Variants in DOCK2 observed in about 807,000 individuals in gnomAD.
The protein encoded by DOCK2 is dedicator of cytokinesis 2.
A neutral mutation model predicts 248.9 loss-of-function variants in DOCK2; 87 were observed. The observed-to-expected ratio is 0.35, with a 90% CI of 0.29 to 0.42. The LOEUF is 0.42. DOCK2 is among the 10% of genes least tolerant of loss of function. DOCK2 has a pLI of 1.00. For synonymous variants in DOCK2, 805 were observed against 821.6 expected, an observed-to-expected ratio of 0.98 and a Z score of 0.35; for missense variants, 1,747 against 2,300.2, an observed-to-expected ratio of 0.76 and a Z score of 4.92.
chr5:170,056,607 T>C, intron 42 of DOCK2, 77 bp from the exon 43 acceptor site: 1 of 1,249,946 alleles, frequency 8.0e-7, no homozygotes, highest in Admixed American at 1.7e-5. Context: ...TGAACCTCCC[T>C]GGACAGTGCA....
chr5:169,948,681 A>T (rs1259505717), intron 27 of DOCK2, among the ~76,000 whole-genome samples: 1 of 143,844 alleles, frequency 7.0e-6, no homozygotes, highest in Non-Finnish European at 1.5e-5. Context: ...TGGTGTGATT[A>T]TGGCTCACTG....
intron 25 of DOCK2, among the ~76,000 whole-genome samples, chr5:169,783,065 C>G (rs1392520918): frequency 6.6e-6 from 1 of 152,102 alleles, no homozygotes; most frequent in African/African-American, 2.4e-5. Context: ...TATTATAATG[C>G]AGAATGAATA....
At chr5:169,732,068 G>A (rs1407808931) in intron 22 of DOCK2, among the ~76,000 whole-genome samples, 23 of 152,144 alleles carry the variant, frequency 1.5e-4, no homozygotes, top group African/African-American at 4.6e-4. Context: ...GCAGTGAGCC[G>A]AGATTGCACC....
At chr5:169,992,375 C>A (rs1778230162) in intron 29 of DOCK2, among the ~76,000 whole-genome samples, 1 of 152,202 alleles carries the variant, frequency 6.6e-6, no homozygotes, top group African/African-American at 2.4e-5. Flanking sequence ...ACTTTGTTTT[C>A]AACAATTCAG....
At chr5:169,681,537 TTGAA>T (rs1361502201) in intron 6 of DOCK2, among the ~76,000 whole-genome samples, 1 of 152,134 alleles carries the variant, frequency 6.6e-6, no homozygotes, top group African/African-American at 2.4e-5. Context: ...TTTTAAAAAA[TTGAA>T]TGCACACTAC....
chr5:169,766,986 C>T (rs1357581208), intron 25 of DOCK2, among the ~76,000 whole-genome samples: 1 of 152,108 alleles, frequency 6.6e-6, no homozygotes, highest in Non-Finnish European at 1.5e-5. Context: ...AAACTCCTGT[C>T]CTCTGGCGAT....
At chr5:169,745,988 G>A (rs1763593638) in intron 22 of DOCK2, among the ~76,000 whole-genome samples, 1 of 152,170 alleles carries the variant, frequency 6.6e-6, no homozygotes, top group South Asian at 2.1e-4. Context: ...AACACTCCTT[G>A]TCTCTGTGAC....
At chr5:169,668,533 C>T (rs553869585) in intron 2 of DOCK2, among the ~76,000 whole-genome samples, 6 of 152,252 alleles carry the variant, frequency 3.9e-5, no homozygotes, top group Middle Eastern at 3.4e-3. Context: ...TCCTGACAGA[C>T]GCGTTTTATT....
In DOCK2 at chr5:170,051,273, G is replaced by A. The variant is rs561424074; in HGVS notation, c.4213+876G>A. 2.6e-5 allele frequency among the ~76,000 whole-genome samples: 4 copies of A among 152,322 alleles called. No individual in the cohort carries two copies. The South Asian group carries it at 6.2e-4, about 24-fold the overall frequency. Reference sequence around the variant, plus strand: ...CAAAACTGCTAAGCAAGGCCTGCAAGGCCATCCATGATCTGACCCCTGCCT... The same window carrying A: ...CAAAACTGCTAAGCAAGGCCTGCAAAGCCATCCATGATCTGACCCCTGCCT... On this transcript the variant is annotated intron_variant, in intron 41 of 51. Coordinates refer to ENST00000520908, the MANE Select transcript of DOCK2 (RefSeq NM_004946.3).
At chr5:169,642,596 C>T (rs763458017) in intron 1 of DOCK2, among the ~76,000 whole-genome samples, 185 of 152,220 alleles carry the variant, frequency 1.2e-3, no homozygotes, top group African/African-American at 4.3e-3. Flanking sequence ...TCTGGTGAAA[C>T]AAAAATACAT....
chr5:169,766,776 ATT>A (rs1256076174), intron 25 of DOCK2, among the ~76,000 whole-genome samples: 1 of 151,702 alleles, frequency 6.6e-6, no homozygotes, highest in African/African-American at 2.4e-5. Context: ...TTATTTATTT[ATT>A]TTTTTTGAGA....
intron 48 of DOCK2, among the ~76,000 whole-genome samples, 161 bp downstream of exon 48, chr5:170,077,998 C>A (rs1455739839): frequency 1.3e-5 from 2 of 152,264 alleles, no homozygotes; most frequent in African/African-American, 4.8e-5. Context: ...CCCCAGGAGG[C>A]TCATGGTTAG....
chr5:170,020,833 G>A (rs1445505050), intron 33 of DOCK2, among the ~76,000 whole-genome samples: 1 of 152,196 alleles, frequency 6.6e-6, no homozygotes, highest in African/African-American at 2.4e-5. Context: ...GATGCTCCAG[G>A]GAAGAGGGTT....
rs570661744 is a variant in DOCK2, at chr5:169,726,435, A to C, written c.2267+7644A>C. Among the ~76,000 whole-genome samples, 3 of 151,982 alleles carry C rather than the reference A, an allele frequency of 2.0e-5. No individual in the cohort carries two copies. In the East Asian group the frequency reaches 5.8e-4, roughly 29 times the overall value. On this transcript the variant is annotated intron_variant, in intron 22 of 51. Transcript: ENST00000520908. ...TTTGTCAGATAGGAAGATTGTAAAA[A>C]TTTTCTCCCGTTCTGTAGGTTGCCT... is the stretch of plus-strand genomic sequence containing the variant.
intron 27 of DOCK2, among the ~76,000 whole-genome samples, chr5:169,888,702 C>T (rs573472731): frequency 1.3e-5 from 2 of 152,198 alleles, no homozygotes; most frequent in African/African-American, 4.8e-5. Context: ...TGACTTGGAA[C>T]AAGTGACTTG....
chr5:169,912,547 A>G (rs1774657301), intron 27 of DOCK2, among the ~76,000 whole-genome samples: 1 of 152,188 alleles, frequency 6.6e-6, no homozygotes, highest in Non-Finnish European at 1.5e-5. Flanking sequence ...ACTCCAATCC[A>G]TAACTTTCTT....
chr5:169,822,498 C>CCTGCATGGAAACTGAACAA (rs1182312081), intron 26 of DOCK2, among the ~76,000 whole-genome samples: 1 of 152,188 alleles, frequency 6.6e-6, no homozygotes, highest in Non-Finnish European at 1.5e-5. Flanking sequence ...GGAAACTGAA[C>CCTGCATGGAAACTGAACAA]AACCTGCTCC....
chr5:169,800,944 C>CTTTCTTTTTTTTTTTTTTTTTTTTT (rs1248380098), intron 25 of DOCK2, among the ~76,000 whole-genome samples: 4 of 53,184 alleles, frequency 7.5e-5, no homozygotes, highest in African/African-American at 2.8e-4. Flanking sequence ...TTCTTTCTTT[C>CTTTCTTTTTTTTTTTTTTTTTTTTT]TTTTTTTTTT....
chr5:169,863,737 G>GC (rs1156706307), intron 27 of DOCK2, among the ~76,000 whole-genome samples: 3 of 152,224 alleles, frequency 2.0e-5, no homozygotes, highest in African/African-American at 7.2e-5. Context: ...GGGTGATCTT[G>GC]CATAAGCATT....
Sources: gnomAD v4.1 joint callset for allele counts (sites outside exome capture counted in the v4.1 genomes callset) on GRCh38, gnomAD v4.1.1 for gene constraint, MANE v1.5 for transcripts, NCBI Gene and HGNC (gene_info 2026-07-23, HGNC 2026-07-21) for gene names.